The following TECPR2 variants were observed in gnomAD, a reference collection of about 807,000 sequenced individuals.
TECPR2 encodes tectonin beta-propeller repeat containing 2, also known as tectonin beta-propeller repeat-containing protein 2.
Under a neutral mutation model 138.1 loss-of-function variants are expected in TECPR2, and 65 were observed. The observed-to-expected ratio is 0.47, with a 90% CI of 0.39 to 0.58. The LOEUF (loss-of-function observed/expected upper bound fraction) is 0.58. TECPR2 is among the 20% of genes least tolerant of loss of function. The probability of loss-of-function intolerance (pLI) is 0.00; values close to 1 mark genes in which losing one functional copy is unlikely to be tolerated. For missense variants in TECPR2, 1,553 were observed against 1,824.5 expected (o/e 0.85, Z 2.71); for synonymous variants, 746 against 749.8 (o/e 0.99, Z 0.08).
Position 102,491,779 on chromosome 14 carries a change from C to G in TECPR2, c.3790-5200C>G, listed in dbSNP as rs1245436667. ...CAGGGTGTCCCTCTGGCCCTTCTCT[C>G]TGTTACGCAGTATGGCATTGGTTTG... On this transcript the variant is annotated intron_variant, in intron 17 of 19. Coordinates refer to ENST00000359520, the MANE Select transcript of TECPR2 (RefSeq NM_014844.5). Among the ~76,000 whole-genome samples, 3 of 152,234 alleles carry G rather than the reference C, an allele frequency of 2.0e-5. 1 individual carries two copies. The highest frequency in any genetic ancestry group is 4.1e-4 in the South Asian group (2 of 4,836).
intron 17 of TECPR2, among the ~76,000 whole-genome samples, chr14:102,472,073 C>T (rs181947910): frequency 3.9e-5 from 6 of 152,326 alleles, no homozygotes; most frequent in Admixed American, 2.6e-4. Flanking sequence ...GTAGAAAGAA[C>T]GTCCTTGAGT....
chr14:102,405,639 A>T (rs939326216), intron 2 of TECPR2, among the ~76,000 whole-genome samples: 1 of 152,230 alleles, frequency 6.6e-6, no homozygotes, highest in Admixed American at 6.5e-5. Flanking sequence ...TAAAAATAGA[A>T]TTACCATATG....
chr14:102,429,854 C>T (rs904462752), intron 7 of TECPR2, among the ~76,000 whole-genome samples: 2 of 152,224 alleles, frequency 1.3e-5, no homozygotes, highest in African/African-American at 4.8e-5. Flanking sequence ...GATGAAGATG[C>T]TCCCATCTGC....
intron 4 of TECPR2, among the ~76,000 whole-genome samples, chr14:102,413,233 A>G (rs989237043): frequency 1.3e-5 from 2 of 152,122 alleles, no homozygotes; most frequent in Non-Finnish European, 2.9e-5. Context: ...AAGTTTTACC[A>G]ACAAATCTGA....
intron 9 of TECPR2, among the ~76,000 whole-genome samples, chr14:102,435,765 C>G (rs1889654313): frequency 6.6e-6 from 1 of 152,238 alleles, no homozygotes; most frequent in Non-Finnish European, 1.5e-5. Flanking sequence ...AGTAACCAGT[C>G]TTTGTAGGTC....
intron 17 of TECPR2, among the ~76,000 whole-genome samples, chr14:102,490,615 C>T (rs1377927660): frequency 6.6e-6 from 1 of 152,220 alleles, no homozygotes; most frequent in African/African-American, 2.4e-5. Context: ...GTGCTGAGCT[C>T]CGCCCCGGCC....
At chr14:102,497,824 C>T (rs1183259222) in intron 19 of TECPR2, 105 bp downstream of exon 19, 2 of 1,385,298 alleles carry the variant, frequency 1.4e-6, no homozygotes. Flanking sequence ...GGGCTCCAAT[C>T]TCTCAAAGCA....
intron 17 of TECPR2, among the ~76,000 whole-genome samples, chr14:102,489,431 A>G (rs1459391905): frequency 6.6e-6 from 1 of 151,576 alleles, no homozygotes; most frequent in Non-Finnish European, 1.5e-5. Flanking sequence ...AGCCTGGCCA[A>G]AATGGTGAAA....
intron 16 of TECPR2, among the ~76,000 whole-genome samples, chr14:102,461,405 A>T (rs1412055722): frequency 1.3e-5 from 2 of 152,262 alleles, no homozygotes; most frequent in African/African-American, 4.8e-5. Context: ...AAAGTATTTT[A>T]TAAATAAAAT....
intron 4 of TECPR2, 107 bp from the exon 5 acceptor site, chr14:102,414,529 C>T: frequency 7.2e-7 from 1 of 1,384,524 alleles, no homozygotes; most frequent in Non-Finnish European, 9.9e-7. Context: ...AAGTAAGGTG[C>T]AAGCTGACCT....
intron 17 of TECPR2, among the ~76,000 whole-genome samples, chr14:102,495,358 C>G (rs1050480122): frequency 1.3e-5 from 2 of 152,212 alleles, no homozygotes; most frequent in Non-Finnish European, 2.9e-5. Flanking sequence ...ACCACCTTCC[C>G]TCTGAGCTTA....
rs1405050229 is a variant in TECPR2, at chr14:102,434,600, A to C, written c.1783A>C (p.Thr595Pro). 1 of 1,569,428 alleles carries C rather than the reference A, an allele frequency of 6.4e-7. No homozygotes were observed. Among genetic ancestry groups the C allele is most frequent in the East Asian group, 2.3e-5 (1 of 44,348 alleles). ...GGAAGATGTGGGAGGCAGTGATGTC[A>C]CGGGACTCGGAGATGAGCCGTGTCC... ...AREDVGGSDV[T>P]GLGDEPCPAD... Residue 595 changes from threonine (T) to proline (P), a missense_variant, in exon 9 of 20, where the codon ACG becomes CCG. By Grantham distance (38) the Thr-to-Pro change is conservative (BLOSUM62 -1). Coordinates refer to ENST00000359520, the MANE Select transcript of TECPR2 (RefSeq NM_014844.5).
At position 102,449,851 on chromosome 14, in the gene TECPR2, G is replaced by A. The variant is rs147315549; in HGVS notation, c.3298G>A (p.Ala1100Thr). The A allele has an allele frequency of 1.6e-5, 26 of 1,613,674 alleles. No individual in the cohort carries two copies. In the East Asian group the frequency reaches 4.7e-4, roughly 29 times the overall value. Residue 1100 changes from alanine to threonine, a missense_variant, in exon 14 of 20, where the codon GCT (alanine) becomes ACT (threonine). By Grantham distance (58) the Ala-to-Thr change is moderately conservative. Coordinates refer to ENST00000359520, the MANE Select transcript of TECPR2 (RefSeq NM_014844.5). ...ISSGKNEFHV[A>T]KGSLIGTYWN... ...CTCGGGCAAGAATGAATTCCACGTC[G>A]CTAAGGGAAGTCTCATAGGTGGGTG...
chr14:102,432,841 T>C (rs1889548055), intron 8 of TECPR2, among the ~76,000 whole-genome samples: 1 of 151,956 alleles, frequency 6.6e-6, no homozygotes, highest in Admixed American at 6.5e-5. Flanking sequence ...CCGTCTCTAC[T>C]AAAAACACAT....
At chr14:102,463,412 G>C (rs1431919094) in intron 16 of TECPR2, among the ~76,000 whole-genome samples, 1 of 100,982 alleles carries the variant, frequency 9.9e-6, no homozygotes, top group African/African-American at 4.1e-5. Context: ...GCGAGACTCC[G>C]TCTCAAAAAA....
At chr14:102,387,694 T>C (rs976897341) in intron 2 of TECPR2, among the ~76,000 whole-genome samples, 53 of 151,932 alleles carry the variant, frequency 3.5e-4, no homozygotes, top group Non-Finnish European at 6.8e-4. Flanking sequence ...GCCTGGCTAA[T>C]TTTTTGTATT....
At chr14:102,446,078 T>C (rs1164780756) in intron 13 of TECPR2, 131 bp downstream of exon 13, 8 of 1,211,938 alleles carry the variant, frequency 6.6e-6, no homozygotes, top group Non-Finnish European at 8.9e-6. Context: ...ATTTGTTTGT[T>C]TGTTTTGAAA....
At chr14:102,444,656 T>A (rs17791578) in intron 12 of TECPR2, among the ~76,000 whole-genome samples, 6,358 of 152,212 alleles carry the variant, frequency 0.042, 154 homozygotes, top group Middle Eastern at 0.092. Flanking sequence ...AGCAAGCCAA[T>A]AAACTTTCAG....
At chr14:102,396,198 G>A (rs1471343969) in intron 2 of TECPR2, among the ~76,000 whole-genome samples, 2 of 151,644 alleles carry the variant, frequency 1.3e-5, no homozygotes, top group East Asian at 1.9e-4. Flanking sequence ...TGCCTCATGG[G>A]TTCAAGCTGC....
Sources: allele counts gnomAD v4.1 joint callset (sites outside exome capture counted in the v4.1 genomes callset), GRCh38; gene constraint gnomAD v4.1.1; transcripts MANE v1.5; gene names NCBI Gene and HGNC (gene_info 2026-07-23, HGNC 2026-07-21).